The following EXOC4 variants were observed in gnomAD, a reference collection of about 807,000 sequenced individuals.
EXOC4 encodes SEC8-like 1.
EXOC4 carries 71 observed loss-of-function variants against 107.2 expected under a neutral mutation model. The observed-to-expected ratio is 0.66, with a 90% CI of 0.55 to 0.81. The LOEUF (loss-of-function observed/expected upper bound fraction) is 0.81, where lower values mean the gene tolerates loss of function less well. Ranked by LOEUF, EXOC4 falls within the 30% of genes least tolerant of loss-of-function variation. The probability of loss-of-function intolerance (pLI) is 0.00; values close to 1 mark genes in which losing one functional copy is unlikely to be tolerated. For missense variants in EXOC4, 1,108 were observed against 1,189.6 expected (o/e 0.93, Z 1.01); for synonymous variants, 456 against 441.2 (o/e 1.03, Z -0.42).
chr7:133,528,356 T>C (rs2150919127), intron 9 of EXOC4, among the ~76,000 whole-genome samples: 1 of 152,306 alleles, frequency 6.6e-6, no homozygotes, highest in South Asian at 2.1e-4. Flanking sequence ...TTAATATTTT[T>C]AATTGTGAAA....
chr7:133,677,023 C>G (rs1054940196), intron 10 of EXOC4, among the ~76,000 whole-genome samples: 22 of 149,584 alleles, frequency 1.5e-4, no homozygotes, highest in African/African-American at 5.4e-4. Flanking sequence ...GTTCTTGCCT[C>G]CTTTATTCTG....
chr7:134,088,105 C>T, the EXOC4 span, among the ~76,000 whole-genome samples: 1 of 152,166 alleles, frequency 6.6e-6, no homozygotes, highest in African/African-American at 2.4e-5. Context: ...ACATTCTTTA[C>T]TTATGACATG....
Position 134,029,976 on chromosome 7 carries a change from G to T in EXOC4, c.2687+22141G>T, listed in dbSNP as rs141782754. On this transcript the variant is annotated intron_variant, in intron 17 of 17. Transcript: ENST00000253861. ...AATATCTGGAACGTTTCCTAAAGAAGTCACTTGCTTGAGGTTATAACAGAT... is the reference window on the plus strand; with the variant it reads ...AATATCTGGAACGTTTCCTAAAGAATTCACTTGCTTGAGGTTATAACAGAT... 1.5e-4 allele frequency among the ~76,000 whole-genome samples: 23 copies of T among 152,326 alleles called. No homozygotes were observed. The East Asian group carries it at 4.4e-3, about 29-fold the overall frequency.
chr7:133,787,953 ATT>A (rs1265639298), intron 10 of EXOC4, among the ~76,000 whole-genome samples: 4 of 15,614 alleles, frequency 2.6e-4, no homozygotes, highest in Admixed American at 1.1e-3. Flanking sequence ...CTGTGCATAT[ATT>A]TATATATTTA....
At chr7:133,270,445 A>G (rs377410150) in intron 1 of EXOC4, among the ~76,000 whole-genome samples, 3 of 152,288 alleles carry the variant, frequency 2.0e-5, no homozygotes, top group Admixed American at 6.5e-5. Flanking sequence ...AGCAAAAAAG[A>G]TGGTGGGCTG....
rs147590071 is a variant in EXOC4 at position 133,670,185 on chromosome 7, A to G, written c.1514+40044A>G. ...AAGGTGCATACCACCCTCAGTAGCTATATTAACTTATCTCAGGTTGCAGAG... is the reference window on the plus strand; with the variant it reads ...AAGGTGCATACCACCCTCAGTAGCTGTATTAACTTATCTCAGGTTGCAGAG... On this transcript the variant is annotated intron_variant, in intron 10 of 17. Transcript: ENST00000253861. Among the ~76,000 whole-genome samples the G allele has an allele frequency of 2.3e-3, 351 of 152,320 alleles. 1 individual carries two copies. In the Middle Eastern group the frequency reaches 0.034, roughly 15 times the overall value.
chr7:133,807,875 T>C (rs1797115761), intron 10 of EXOC4, among the ~76,000 whole-genome samples: 1 of 152,246 alleles, frequency 6.6e-6, no homozygotes, highest in Non-Finnish European at 1.5e-5. Context: ...CTTTTCAGTC[T>C]AGAGGGAACA....
intron 9 of EXOC4, among the ~76,000 whole-genome samples, chr7:133,557,260 C>T (rs1318028269): frequency 6.6e-6 from 1 of 152,176 alleles, no homozygotes; most frequent in African/African-American, 2.4e-5. Context: ...CCCTCCCTTC[C>T]TACCTTCCCC....
At chr7:133,687,794 G>T (rs1343202851) in intron 10 of EXOC4, among the ~76,000 whole-genome samples, 1 of 151,818 alleles carries the variant, frequency 6.6e-6, no homozygotes, top group African/African-American at 2.4e-5. Flanking sequence ...TCTTCAATCT[G>T]TCCTTAAAAA....
chr7:133,896,221 A>G (rs953385659), intron 12 of EXOC4, among the ~76,000 whole-genome samples: 2 of 152,190 alleles, frequency 1.3e-5, no homozygotes, highest in African/African-American at 2.4e-5. Flanking sequence ...ATGAAAAACC[A>G]TTGTTATGAA....
intron 10 of EXOC4, among the ~76,000 whole-genome samples, chr7:133,806,664 C>T (rs1453592650): frequency 6.6e-6 from 1 of 152,070 alleles, no homozygotes; most frequent in East Asian, 1.9e-4. Context: ...TACGGGTGAA[C>T]CTTTGAGAGG....
intron 9 of EXOC4, among the ~76,000 whole-genome samples, chr7:133,592,178 C>T (rs1206695834): frequency 6.6e-6 from 1 of 152,046 alleles, no homozygotes; most frequent in East Asian, 1.9e-4. Context: ...CTTCCTGGTT[C>T]GGCCCCATGG....
chr7:133,480,320 G>A, intron 9 of EXOC4, 182 bp downstream of exon 9: 2 of 1,427,208 alleles, frequency 1.4e-6, no homozygotes, highest in Non-Finnish European at 1.8e-6. Flanking sequence ...CTATTACTGT[G>A]GCCATAGGAC....
chr7:133,735,046 T>TAAAAAAAAAA (rs3076789), intron 10 of EXOC4, among the ~76,000 whole-genome samples: 1 of 94,738 alleles, frequency 1.1e-5, no homozygotes, highest in Non-Finnish European at 2.0e-5. Context: ...CCGTCTCTGC[T>TAAAAAAAAAA]AAAAAAAAAA....
At chr7:133,861,513 G>A (rs1259757516) in intron 11 of EXOC4, among the ~76,000 whole-genome samples, 1 of 151,986 alleles carries the variant, frequency 6.6e-6, no homozygotes, top group African/African-American at 2.4e-5. Flanking sequence ...AGGGGATCAG[G>A]AATCCACTGT....
intron 9 of EXOC4, among the ~76,000 whole-genome samples, chr7:133,545,346 A>T (rs994949952): frequency 3.3e-5 from 5 of 152,088 alleles, no homozygotes; most frequent in Non-Finnish European, 5.9e-5. Context: ...TGTGCATGTA[A>T]TACCTATTTT....
chr7:133,980,187 G>T (rs568637603), intron 14 of EXOC4, among the ~76,000 whole-genome samples: 1 of 152,172 alleles, frequency 6.6e-6, no homozygotes, highest in African/African-American at 2.4e-5. Context: ...CTTACCCAGT[G>T]TGTATGTTTA....
chr7:133,768,979 C>T (rs998363021), intron 10 of EXOC4, among the ~76,000 whole-genome samples: 1 of 151,964 alleles, frequency 6.6e-6, no homozygotes. Context: ...CAGATGAAGA[C>T]AGAGGGAAGG....
chr7:134,067,677 G>A (rs1247286858), downstream of EXOC4, among the ~76,000 whole-genome samples: 12 of 2,330 alleles, frequency 5.2e-3, no homozygotes, highest in South Asian at 0.024. Flanking sequence ...ACACACACAG[G>A]CAATTGTGTT....
Sources: gnomAD v4.1 joint callset for allele counts (sites outside exome capture counted in the v4.1 genomes callset) on GRCh38, gnomAD v4.1.1 for gene constraint, MANE v1.5 for transcripts, NCBI Gene and HGNC (gene_info 2026-07-23, HGNC 2026-07-21) for gene names.